Variants in CSNK2A1 observed in about 807,000 individuals in gnomAD.
CSNK2A1 encodes the protein casein kinase II subunit alpha.
CSNK2A1 carries 10 observed loss-of-function variants against 62.9 expected under a neutral mutation model. The observed-to-expected ratio is 0.16, with a 90% CI of 0.10 to 0.27. The LOEUF is 0.27. Among genes scored for constraint, CSNK2A1 ranks in the 10% least tolerant of loss-of-function variants. CSNK2A1 has a pLI of 1.00. For synonymous variants in CSNK2A1, 124 were observed against 167.8 expected, an observed-to-expected ratio of 0.74 and a Z score of 2.02; for missense variants, 160 against 492.0, an observed-to-expected ratio of 0.33 and a Z score of 6.38.
At chr20:509,871 C>T (rs2018679636) in intron 2 of CSNK2A1, among the ~76,000 whole-genome samples, 1 of 152,162 alleles carries the variant, frequency 6.6e-6, no homozygotes, top group Non-Finnish European at 1.5e-5. Flanking sequence ...GCCACCGCAC[C>T]CAGCCATAAC....
At chr20:489,728 G>T in intron 10 of CSNK2A1, 52 bp downstream of exon 10, 1 of 1,449,380 alleles carries the variant, frequency 6.9e-7, no homozygotes, top group Non-Finnish European at 9.5e-7. Context: ...GGCAGTGCTG[G>T]CTATCATTGC....
chr20:512,984 T>C (rs142533829), intron 2 of CSNK2A1, among the ~76,000 whole-genome samples: 1 of 152,326 alleles, frequency 6.6e-6, no homozygotes, highest in Non-Finnish European at 1.5e-5. Context: ...CTGTGACTAC[T>C]ATGCCTGCCT....
At chr20:537,963 CTT>C (rs60811807) in intron 1 of CSNK2A1, among the ~76,000 whole-genome samples, 35 of 141,256 alleles carry the variant, frequency 2.5e-4, no homozygotes, top group Admixed American at 3.5e-4. Flanking sequence ...CAGTTAACAT[CTT>C]TTTTTTTTTT....
intron 2 of CSNK2A1, among the ~76,000 whole-genome samples, chr20:512,266 G>C (rs541295943): frequency 2.6e-5 from 4 of 150,976 alleles, no homozygotes; most frequent in African/African-American, 9.8e-5. Context: ...CTCATTGACT[G>C]TGATTTTAAT....
Position 474,013 on chromosome 20 carries a change from T to C in CSNK2A1, c.*9948A>G, listed in dbSNP as rs972710899. On this transcript the variant is annotated 3_prime_UTR_variant, in exon 14 of 14. Coordinates refer to ENST00000217244, the MANE Select transcript of CSNK2A1 (RefSeq NM_177559.3). ...GAGGAGACAACAACATTGCAAGTGA[T>C]CTAGTCTTTGAAAGGCTTTTAAGCA... The C allele has an allele frequency of 3.9e-5, 6 of 152,182 alleles. No homozygotes were observed. The highest frequency in any genetic ancestry group is 1.4e-4 in the African/African-American group (6 of 41,448). 9.4% of individuals were successfully genotyped at this position (152,182 alleles called of 1,614,324 possible).
chr20:504,170 C>T (rs62189980), intron 4 of CSNK2A1: 239 of 152,566 alleles, frequency 1.6e-3, no homozygotes, highest in Non-Finnish European at 2.9e-3. Flanking sequence ...CAGAGCGAGA[C>T]TCCTTCTCAA....
intron 4 of CSNK2A1, chr20:503,277 T>C: frequency 2.6e-6 from 1 of 385,446 alleles, no homozygotes; most frequent in Non-Finnish European, 4.6e-6. Flanking sequence ...CTCGAGGACC[T>C]GCGACTAAAG....
chr20:521,732 T>G (rs1273646632), intron 2 of CSNK2A1, among the ~76,000 whole-genome samples: 2 of 152,216 alleles, frequency 1.3e-5, no homozygotes, highest in Non-Finnish European at 2.9e-5. Flanking sequence ...AATTACTGAT[T>G]TGTGCAACAA....
At chr20:503,546 A>C in intron 4 of CSNK2A1, 3 of 398,676 alleles carry the variant, frequency 7.5e-6, no homozygotes. Context: ...TGAATCTGCC[A>C]GACACTGGGT....
At chr20:531,179 A>T (rs1369303824) in intron 1 of CSNK2A1, among the ~76,000 whole-genome samples, 2 of 152,200 alleles carry the variant, frequency 1.3e-5, no homozygotes, top group Non-Finnish European at 2.9e-5. Flanking sequence ...TTAAAAAAAA[A>T]TTTAACTTTC....
chr20:497,635 A>T, intron 7 of CSNK2A1, 86 bp downstream of exon 7: 1 of 1,158,350 alleles, frequency 8.6e-7, no homozygotes, highest in Non-Finnish European at 1.3e-6. Flanking sequence ...TTACAAAGTT[A>T]ATCTGCTGGC....
intron 2 of CSNK2A1, among the ~76,000 whole-genome samples, chr20:518,517 T>C (rs2018872908): frequency 6.6e-6 from 1 of 152,172 alleles, no homozygotes; most frequent in Non-Finnish European, 1.5e-5. Context: ...GGGCCTCAAA[T>C]GATCACTACA....
intron 2 of CSNK2A1, 53 bp from the exon 3 acceptor site, chr20:508,713 G>A: frequency 1.6e-6 from 1 of 613,126 alleles, no homozygotes; most frequent in Non-Finnish European, 2.8e-6. Context: ...AAGGTATATG[G>A]GAAGGAAATA....
chr20:479,920 C>T lies in CSNK2A1; in HGVS notation c.*4041G>A, dbSNP rs563507244. On this transcript the variant is annotated 3_prime_UTR_variant, in exon 14 of 14. Transcript: ENST00000217244. ...AGGAATATTGAACTGGTATGTATTC[C>T]GCAAATATTCCAAAAATCCAAAAAA... 4.6e-5 allele frequency: 7 copies of T among 152,204 alleles called. No homozygotes were observed. Among genetic ancestry groups the T allele is most frequent in the Non-Finnish European group, 7.4e-5 (5 of 68,016 alleles). 9.4% of individuals were successfully genotyped at this position (152,204 alleles called of 1,614,324 possible). A position where few individuals can be genotyped will look rare whatever the true frequency, so the allele number is the denominator to read the frequency against.
At chr20:532,330 A>ATTTTTTTT (rs138287291) in intron 1 of CSNK2A1, among the ~76,000 whole-genome samples, 22 of 121,952 alleles carry the variant, frequency 1.8e-4, no homozygotes, top group South Asian at 2.8e-4. Flanking sequence ...TGCCCGGCTA[A>ATTTTTTTT]TTTTTTTTTT....
At chr20:541,527 A>G (rs1017274321) in intron 1 of CSNK2A1, among the ~76,000 whole-genome samples, 2 of 152,236 alleles carry the variant, frequency 1.3e-5, no homozygotes, top group African/African-American at 4.8e-5. Context: ...TATGTGACAC[A>G]AAGATGTATG....
At chr20:500,043 C>G in intron 4 of CSNK2A1, 109 bp from the exon 5 acceptor site, 1 of 790,098 alleles carries the variant, frequency 1.3e-6, no homozygotes, top group Non-Finnish European at 2.0e-6. Context: ...ATGAGCACAC[C>G]TTGAAGGAAG....
At position 484,095 on chromosome 20, in the gene CSNK2A1, C is replaced by A; in HGVS notation, c.1061-19G>T. The A allele has an allele frequency of 1.9e-6, 3 of 1,542,236 alleles. No homozygotes were observed. Among genetic ancestry groups the A allele is most frequent in the East Asian group, 4.9e-5 (2 of 40,486 alleles). ...GAAATCCCTGAAAGAAAAGAGCTGTCAGTGAGCCAAAGACACCAACCATGG... is the reference window on the plus strand; with the variant it reads ...GAAATCCCTGAAAGAAAAGAGCTGTAAGTGAGCCAAAGACACCAACCATGG... On this transcript the variant is annotated intron_variant, in intron 13 of 13. Coordinates refer to ENST00000217244, the MANE Select transcript of CSNK2A1 (RefSeq NM_177559.3).
At chr20:516,771 C>G (rs2018836674) in intron 2 of CSNK2A1, among the ~76,000 whole-genome samples, 1 of 152,058 alleles carries the variant, frequency 6.6e-6, no homozygotes, top group Non-Finnish European at 1.5e-5. Context: ...TGGAAAAGAT[C>G]ATTCTAGAAC....
Sources: gnomAD v4.1 joint callset for allele counts (sites outside exome capture counted in the v4.1 genomes callset) on GRCh38, gnomAD v4.1.1 for gene constraint, MANE v1.5 for transcripts, NCBI Gene and HGNC (gene_info 2026-07-23, HGNC 2026-07-21) for gene names.